LRRC37A: variants seen among roughly 807,000 people sequenced by gnomAD.
The protein encoded by LRRC37A is leucine-rich repeat-containing protein 37A.
LRRC37A carries 3 observed loss-of-function variants against 35.4 expected under a neutral mutation model. The ratio of observed to expected loss-of-function variants is 0.08; its 90% confidence interval spans 0.04 to 0.22. LRRC37A has a LOEUF of 0.22. Ranked by LOEUF, LRRC37A falls within the 10% of genes least tolerant of loss-of-function variation. The pLI is 1.00. For synonymous variants in LRRC37A, 23 were observed against 215.0 expected, an observed-to-expected ratio of 0.11 and a Z score of 7.81; for missense variants, 67 against 565.3, an observed-to-expected ratio of 0.12 and a Z score of 8.94.
the LRRC37A span, among the ~76,000 whole-genome samples, chr17:46,262,972 T>C: frequency 6.6e-6 from 1 of 152,140 alleles, no homozygotes; most frequent in Admixed American, 6.5e-5. Context: ...AAGCACTTTG[T>C]GAGGCCAAGG....
At chr17:46,268,596 G>T in the LRRC37A span, 1 of 1,543,544 alleles carries the variant, frequency 6.5e-7, no homozygotes, top group South Asian at 1.2e-5. Context: ...TCTCTGTCCA[G>T]GGGATGGACT....
the LRRC37A span, among the ~76,000 whole-genome samples, chr17:46,276,220 T>G: frequency 6.6e-6 from 1 of 152,270 alleles, no homozygotes; most frequent in Non-Finnish European, 1.5e-5. Context: ...ACCAAATTAC[T>G]GTACAGTTAC....
chr17:46,276,593 C>T, the LRRC37A span, among the ~76,000 whole-genome samples: 3 of 152,034 alleles, frequency 2.0e-5, no homozygotes. Context: ...AATGTGCAAA[C>T]AATGCTGGAG....
upstream of LRRC37A, chr17:46,294,068 T>C (rs2050148227): frequency 1.3e-5 from 1 of 76,560 alleles, no homozygotes; most frequent in African/African-American, 3.2e-5. Context: ...GTATTTTTAG[T>C]AGAGACGGAG....
chr17:46,286,480 C>G, the LRRC37A span, among the ~76,000 whole-genome samples: 1 of 152,182 alleles, frequency 6.6e-6, no homozygotes, highest in East Asian at 1.9e-4. Flanking sequence ...TAATAAAGCA[C>G]CATTTCAAAC....
chr17:46,315,986 C>T (rs946250394), intron 5 of LRRC37A, among the ~76,000 whole-genome samples: 2 of 54,148 alleles, frequency 3.7e-5, no homozygotes, highest in African/African-American at 1.0e-4. Context: ...TGCAGTGGCA[C>T]AATCTTTACT....
At chr17:46,248,281 G>C in the LRRC37A span, among the ~76,000 whole-genome samples, 70 of 152,126 alleles carry the variant, frequency 4.6e-4, no homozygotes, top group African/African-American at 1.6e-3. Context: ...CCCTTTTTAA[G>C]TGTACAATTT....
chr17:46,300,113 T>C lies in LRRC37A; in HGVS notation c.2681+248T>C, dbSNP rs1445512002. Among the ~76,000 whole-genome samples the C allele has an allele frequency of 3.5e-4, 25 of 71,160 alleles. 4 individuals are homozygous for C. Among genetic ancestry groups the C allele is most frequent in the African/African-American group, 8.0e-4 (23 of 28,714 alleles). 46.7% of individuals were successfully genotyped at this position (71,160 alleles called of 152,430 possible). On this transcript the variant is annotated intron_variant, in intron 2 of 13. Coordinates refer to ENST00000320254, the Ensembl canonical transcript of LRRC37A. The stretch of plus-strand genomic sequence containing the variant: ...CATGGTTATATTCCTTTTTGTTCTC[T>C]TTTTTGTTTTTTTTTTCAGAGACAG...
the LRRC37A span, among the ~76,000 whole-genome samples, chr17:46,261,796 A>T: frequency 8.5e-5 from 13 of 152,120 alleles, no homozygotes; most frequent in Admixed American, 8.5e-4. Flanking sequence ...AAATATTAAG[A>T]TCTGATAAAA....
the LRRC37A span, among the ~76,000 whole-genome samples, chr17:46,266,236 CTCTT>C: frequency 6.6e-6 from 1 of 152,232 alleles, no homozygotes; most frequent in East Asian, 1.9e-4. Flanking sequence ...GCGGCCATCA[CTCTT>C]TCTCCCCCAC....
the LRRC37A span, among the ~76,000 whole-genome samples, chr17:46,263,874 A>AG: frequency 9.5e-6 from 1 of 105,780 alleles, no homozygotes; most frequent in Non-Finnish European, 2.4e-5. Context: ...AAAAAAAAAA[A>AG]GAGAGAGAGA....
chr17:46,280,569 C>CTTTTTTTTT, the LRRC37A span, among the ~76,000 whole-genome samples: 4 of 112,004 alleles, frequency 3.6e-5, no homozygotes, highest in Non-Finnish European at 6.8e-5. Context: ...TGATAGCACA[C>CTTTTTTTTT]TTTTTTTTTT....
chr17:46,285,533 A>G, the LRRC37A span, among the ~76,000 whole-genome samples: 3 of 152,178 alleles, frequency 2.0e-5, no homozygotes, highest in African/African-American at 7.2e-5. Context: ...GAGCCCCCGT[A>G]CCCAGCCACC....
At chr17:46,262,379 C>CT in the LRRC37A span, among the ~76,000 whole-genome samples, 7 of 112,540 alleles carry the variant, frequency 6.2e-5, no homozygotes, top group Middle Eastern at 5.7e-3. Context: ...TCTTCTTCTT[C>CT]TTCTTTTTTA....
At chr17:46,275,291 AG>A in the LRRC37A span, 1 of 632,928 alleles carries the variant, frequency 1.6e-6, no homozygotes, top group Non-Finnish European at 2.6e-6. Flanking sequence ...TTGTCAGGAT[AG>A]CCTCACTAAA....
At chr17:46,265,815 T>C in the LRRC37A span, among the ~76,000 whole-genome samples, 1 of 152,216 alleles carries the variant, frequency 6.6e-6, no homozygotes, top group African/African-American at 2.4e-5. Flanking sequence ...TAGACCTCTG[T>C]GCCGGCCGTC....
the LRRC37A span, among the ~76,000 whole-genome samples, chr17:46,264,365 T>G: frequency 6.6e-6 from 1 of 152,216 alleles, no homozygotes; most frequent in Non-Finnish European, 1.5e-5. Flanking sequence ...AAGTTGCCAG[T>G]TGGTCTCTTG....
chr17:46,281,984 AC>A, the LRRC37A span, among the ~76,000 whole-genome samples: 1 of 149,930 alleles, frequency 6.7e-6, no homozygotes, highest in Non-Finnish European at 1.5e-5. Flanking sequence ...TTGGTCTATA[AC>A]CTGCTGCCTA....
At chr17:46,323,479 C>A (rs1210627990) in intron 7 of LRRC37A, among the ~76,000 whole-genome samples, 1 of 97,342 alleles carries the variant, frequency 1.0e-5, no homozygotes, top group African/African-American at 3.3e-5. Flanking sequence ...TCACTGCAAC[C>A]TCCACCTCCC....
Sources: gnomAD v4.1 joint callset for allele counts (sites outside exome capture counted in the v4.1 genomes callset) on GRCh38, gnomAD v4.1.1 for gene constraint, MANE v1.5 for transcripts, NCBI Gene and HGNC (gene_info 2026-07-23, HGNC 2026-07-21) for gene names.